The following CLSTN2 variants were observed in gnomAD, a reference collection of about 807,000 sequenced individuals.
The protein encoded by CLSTN2 is calsyntenin 2, also known as calsyntenin-2.
CLSTN2 carries 48 observed loss-of-function variants against 101.2 expected under a neutral mutation model. The ratio of observed to expected loss-of-function variants is 0.47; its 90% CI spans 0.38 to 0.60. The LOEUF is 0.60. CLSTN2 is among the 20% of genes least tolerant of loss of function. The pLI, the probability that CLSTN2 is intolerant of heterozygous loss-of-function variation, is 0.00. For synonymous variants in CLSTN2, 481 were observed against 463.6 expected, an observed-to-expected ratio of 1.04 and a Z score of -0.48; for missense variants, 1,160 against 1,238.2, an observed-to-expected ratio of 0.94 and a Z score of 0.95.
chr3:140,543,010 T>C (rs1041229360), intron 9 of CLSTN2, among the ~76,000 whole-genome samples: 1 of 152,218 alleles, frequency 6.6e-6, no homozygotes, highest in Non-Finnish European at 1.5e-5. Flanking sequence ...TTCCCCTCTG[T>C]AAGCCTAAAT....
At chr3:140,067,239 T>C (rs1455860118) in intron 1 of CLSTN2, among the ~76,000 whole-genome samples, 1 of 144,604 alleles carries the variant, frequency 6.9e-6, no homozygotes, top group Admixed American at 6.9e-5. Flanking sequence ...TAACACATGC[T>C]TGGGGCTGAA....
intron 1 of CLSTN2, among the ~76,000 whole-genome samples, chr3:140,089,932 A>G (rs1005247453): frequency 2.7e-5 from 4 of 149,368 alleles, no homozygotes; most frequent in African/African-American, 9.8e-5. Context: ...TAGAGAAAAA[A>G]CCTGAGAGGG....
intron 8 of CLSTN2, among the ~76,000 whole-genome samples, chr3:140,483,382 A>G (rs566931433): frequency 6.6e-6 from 1 of 152,246 alleles, no homozygotes; most frequent in African/African-American, 2.4e-5. Context: ...CAATTTTGGA[A>G]TAGGTGTGGT....
chr3:139,990,236 A>C (rs762186840), intron 1 of CLSTN2, among the ~76,000 whole-genome samples: 1 of 152,210 alleles, frequency 6.6e-6, no homozygotes, highest in East Asian at 1.9e-4. Context: ...CTGAATGTCA[A>C]TAAGTTTGGT....
At chr3:140,012,561 A>G (rs1214612691) in intron 1 of CLSTN2, among the ~76,000 whole-genome samples, 1 of 152,132 alleles carries the variant, frequency 6.6e-6, no homozygotes, top group Non-Finnish European at 1.5e-5. Context: ...AGGGGACCCA[A>G]GGAAGAGGGA....
intron 2 of CLSTN2, among the ~76,000 whole-genome samples, chr3:140,196,034 G>T (rs1328058427): frequency 6.6e-6 from 1 of 152,178 alleles, no homozygotes; most frequent in Non-Finnish European, 1.5e-5. Flanking sequence ...TGCGATGATG[G>T]GCAGCTCCCT....
At chr3:140,376,886 C>T (rs902929187) in intron 2 of CLSTN2, among the ~76,000 whole-genome samples, 3 of 152,178 alleles carry the variant, frequency 2.0e-5, no homozygotes, top group Non-Finnish European at 4.4e-5. Flanking sequence ...AGCCATGTCC[C>T]TGCCCTCTGA....
At chr3:140,464,445 T>A (rs1204842198) in intron 7 of CLSTN2, among the ~76,000 whole-genome samples, 1 of 152,210 alleles carries the variant, frequency 6.6e-6, no homozygotes, top group African/African-American at 2.4e-5. Context: ...AAAGATTCAA[T>A]GAAGAATTCC....
At chr3:140,170,436 G>A (rs1489756948) in intron 1 of CLSTN2, among the ~76,000 whole-genome samples, 1 of 152,086 alleles carries the variant, frequency 6.6e-6, no homozygotes, top group African/African-American at 2.4e-5. Context: ...AAAATTTGGG[G>A]GATGTTAGCA....
intron 8 of CLSTN2, 95 bp from the exon 9 acceptor site, chr3:140,532,229 C>T (rs1935269396): frequency 9.6e-7 from 1 of 1,045,638 alleles, no homozygotes; most frequent in Non-Finnish European, 1.3e-6. Flanking sequence ...ATTGTTGACC[C>T]AAAAATGTGT....
At chr3:140,132,483 C>T (rs1382812248) in intron 1 of CLSTN2, among the ~76,000 whole-genome samples, 1 of 152,160 alleles carries the variant, frequency 6.6e-6, no homozygotes, top group Non-Finnish European at 1.5e-5. Context: ...GGAGAAAGTA[C>T]ATGGACCACG....
At chr3:140,123,119 G>A (rs1268743432) in intron 1 of CLSTN2, among the ~76,000 whole-genome samples, 1 of 133,466 alleles carries the variant, frequency 7.5e-6, no homozygotes, top group Non-Finnish European at 1.5e-5. Context: ...AGTGAGGGCT[G>A]ACTTTCTTGC....
chr3:140,457,796 A>G (rs1933441835), intron 6 of CLSTN2, among the ~76,000 whole-genome samples: 1 of 152,192 alleles, frequency 6.6e-6, no homozygotes, highest in African/African-American at 2.4e-5. Flanking sequence ...AGGTGCAGTA[A>G]CAGACAAAAT....
chr3:140,156,827 T>C (rs2009961697), intron 1 of CLSTN2, among the ~76,000 whole-genome samples: 1 of 152,200 alleles, frequency 6.6e-6, no homozygotes, highest in African/African-American at 2.4e-5. Context: ...GTCTGACCTC[T>C]TCAGACGTTT....
intron 2 of CLSTN2, among the ~76,000 whole-genome samples, chr3:140,220,918 T>A (rs2086266328): frequency 6.6e-6 from 1 of 152,142 alleles, no homozygotes. Flanking sequence ...AGGTGGTGAG[T>A]TAAACATTGT....
chr3:140,273,525 T>C (rs2086763815), intron 2 of CLSTN2, among the ~76,000 whole-genome samples: 1 of 152,170 alleles, frequency 6.6e-6, no homozygotes, highest in Non-Finnish European at 1.5e-5. Context: ...TTTTTCTTTA[T>C]CACATATGAA....
chr3:140,479,753 G>T (rs947477639), intron 8 of CLSTN2, among the ~76,000 whole-genome samples: 4 of 152,076 alleles, frequency 2.6e-5, no homozygotes, highest in Non-Finnish European at 5.9e-5. Context: ...AGCCTCAAAA[G>T]TACCAAAGGA....
intron 12 of CLSTN2, among the ~76,000 whole-genome samples, chr3:140,559,713 T>C (rs2107792891): frequency 6.6e-6 from 1 of 152,094 alleles, no homozygotes; most frequent in South Asian, 2.1e-4. Flanking sequence ...AACTCTCCCC[T>C]CCCCCTCCAA....
At chr3:140,031,738 G>C (rs2007554864) in intron 1 of CLSTN2, among the ~76,000 whole-genome samples, 1 of 152,214 alleles carries the variant, frequency 6.6e-6, no homozygotes, top group African/African-American at 2.4e-5. Flanking sequence ...GAAGCTGTTT[G>C]TTAGAGCTGG....
Sources: allele counts gnomAD v4.1 joint callset (sites outside exome capture counted in the v4.1 genomes callset), GRCh38; gene constraint gnomAD v4.1.1; transcripts MANE v1.5; gene names NCBI Gene and HGNC (gene_info 2026-07-23, HGNC 2026-07-21).